Variants in BTBD7 observed in about 807,000 individuals in gnomAD.
BTBD7 encodes the protein BTB domain containing 7.
In BTBD7, 38 loss-of-function variants were observed where a neutral mutation model predicts 99.9. The ratio of observed to expected loss-of-function variants is 0.38; its 90% CI spans 0.29 to 0.50. The LOEUF (loss-of-function observed/expected upper bound fraction) is 0.50, where lower values mean the gene tolerates loss of function less well. Ranked by LOEUF, BTBD7 falls within the 20% of genes least tolerant of loss-of-function variation. The pLI is 0.93. For missense variants in BTBD7, 1,170 were observed against 1,394.6 expected, an observed-to-expected ratio of 0.84 and a Z score of 2.57; for synonymous variants, 520 against 511.4, an observed-to-expected ratio of 1.02 and a Z score of -0.23.
At position 93,275,426 on chromosome 14, in the gene BTBD7, G is replaced by C. The variant is rs189276813; in HGVS notation, c.1163-11433C>G. On this transcript the variant is annotated intron_variant, in intron 3 of 10. Transcript: ENST00000334746. ...GTTTGGCAAAAAAATTTTTAAAGTT[G>C]TAGTTTTCTGTGTTTTGTTTCTTAT... Among the ~76,000 whole-genome samples the C allele has an allele frequency of 2.7e-3, 408 of 152,302 alleles. 1 individual carries two copies. The highest frequency in any genetic ancestry group is 9.3e-3 in the African/African-American group (386 of 41,570).
At chr14:93,254,814 A>T (rs2052411431) in intron 6 of BTBD7, among the ~76,000 whole-genome samples, 1 of 152,228 alleles carries the variant, frequency 6.6e-6, no homozygotes, top group African/African-American at 2.4e-5. Context: ...GAGAGCATGA[A>T]AGTTAAGAGT....
At chr14:93,243,622 C>A in intron 10 of BTBD7, among the ~76,000 whole-genome samples, 1 of 152,146 alleles carries the variant, frequency 6.6e-6, no homozygotes, top group East Asian at 1.9e-4. Flanking sequence ...TGCATATATA[C>A]TGATGAAATT....
intron 1 of BTBD7, among the ~76,000 whole-genome samples, chr14:93,327,857 T>C (rs1595346857): frequency 6.6e-6 from 1 of 152,184 alleles, no homozygotes; most frequent in Non-Finnish European, 1.5e-5. Context: ...GACACGATCC[T>C]ATATGTAGAA....
intron 4 of BTBD7, 150 bp from the exon 5 acceptor site, chr14:93,261,827 G>A: frequency 8.0e-6 from 5 of 623,264 alleles, no homozygotes; most frequent in Non-Finnish European, 1.4e-5. Context: ...TGTTAAATCT[G>A]TGGTCCATCA....
Position 93,238,764 on chromosome 14 carries a change from C to T in BTBD7, c.*3509G>A, listed in dbSNP as rs528940054. On this transcript the variant is annotated 3_prime_UTR_variant, in exon 11 of 11. Coordinates refer to ENST00000334746, the MANE Select transcript of BTBD7 (RefSeq NM_001002860.4). ...GCATGGAGGTCGGCTTTGAGCCCCACTGCCGCTGGCGCGTGTTTCCAATTT... is the reference window on the plus strand; with the variant it reads ...GCATGGAGGTCGGCTTTGAGCCCCATTGCCGCTGGCGCGTGTTTCCAATTT... 3.3e-5 allele frequency: 5 copies of T among 152,368 alleles called. No individual in the cohort carries two copies. The highest frequency in any genetic ancestry group is 7.3e-5 in the Non-Finnish European group (5 of 68,036). 9.4% of individuals were successfully genotyped at this position (152,368 alleles called of 1,614,324 possible).
chr14:93,290,275 C>T (rs1348347626), intron 3 of BTBD7, among the ~76,000 whole-genome samples: 1 of 151,192 alleles, frequency 6.6e-6, no homozygotes, highest in Non-Finnish European at 1.5e-5. Context: ...TGCAGTGGTG[C>T]GATCTCAGCT....
intron 8 of BTBD7, among the ~76,000 whole-genome samples, chr14:93,249,356 G>C (rs140220259): frequency 6.6e-6 from 1 of 151,648 alleles, no homozygotes; most frequent in Admixed American, 6.6e-5. Flanking sequence ...GAAGTGGTTG[G>C]CATGGCCAGC....
chr14:93,308,960 A>G (rs2139800084), intron 1 of BTBD7, among the ~76,000 whole-genome samples: 1 of 152,308 alleles, frequency 6.6e-6, no homozygotes, highest in South Asian at 2.1e-4. Context: ...CTATATATAC[A>G]CTTAAAACTG....
intron 3 of BTBD7, among the ~76,000 whole-genome samples, chr14:93,280,221 T>C (rs2052702861): frequency 6.6e-6 from 1 of 152,216 alleles, no homozygotes; most frequent in Non-Finnish European, 1.5e-5. Context: ...TGACTGCTCA[T>C]AATTAGATAC....
In BTBD7 at chr14:93,269,682, C is replaced by T. The variant is rs948173893; in HGVS notation, c.1163-5689G>A. On this transcript the variant is annotated intron_variant, in intron 3 of 10. Transcript: ENST00000334746. ...CTTTAGTAAAATTCAGCAAAAACAC[C>T]GCTTGAATATTGTGGCAATTGTTTA... 4.2e-4 allele frequency among the ~76,000 whole-genome samples: 64 copies of T among 152,124 alleles called. 1 individual carries two copies. Among genetic ancestry groups the T allele is most frequent in the African/African-American group, 1.1e-3 (46 of 41,404 alleles).
intron 3 of BTBD7, among the ~76,000 whole-genome samples, chr14:93,280,497 T>G (rs1319615104): frequency 2.6e-5 from 4 of 152,220 alleles, no homozygotes; most frequent in Admixed American, 6.5e-5. Flanking sequence ...GGCACTACTT[T>G]CAGATGTATG....
chr14:93,259,364 AC>A (rs1171092099), intron 5 of BTBD7, among the ~76,000 whole-genome samples: 1 of 152,158 alleles, frequency 6.6e-6, no homozygotes, highest in Non-Finnish European at 1.5e-5. Flanking sequence ...TCAGTACTAC[AC>A]CTGGGGGCCA....
Position 93,242,172 on chromosome 14 carries a change from G to T in BTBD7, c.*101C>A. On this transcript the variant is annotated 3_prime_UTR_variant, in exon 11 of 11. Transcript: ENST00000334746. Reference sequence around the variant, plus strand: ...AACTAGAACAAAATCATGTGAAACCGAGTTATCAGCTGGCATTGATGAACT... The same window carrying T: ...AACTAGAACAAAATCATGTGAAACCTAGTTATCAGCTGGCATTGATGAACT... 1 of 1,039,588 alleles carries T rather than the reference G, an allele frequency of 9.6e-7. No individual in the cohort carries two copies. Among genetic ancestry groups the T allele is most frequent in the Non-Finnish European group, 1.4e-6 (1 of 707,188 alleles). The allele number at this position is 1,039,588 out of a possible 1,614,324, so 64.4% of individuals were successfully genotyped here.
intron 9 of BTBD7, among the ~76,000 whole-genome samples, 182 bp downstream of exon 9, chr14:93,248,294 A>T (rs2052335492): frequency 6.6e-6 from 1 of 152,218 alleles, no homozygotes; most frequent in Admixed American, 6.5e-5. Context: ...GCCTCTGCTC[A>T]GTCCACTCCA....
intron 1 of BTBD7, among the ~76,000 whole-genome samples, chr14:93,315,663 G>A (rs2053193354): frequency 6.6e-6 from 1 of 152,120 alleles, no homozygotes; most frequent in Admixed American, 6.5e-5. Context: ...AATAATGTGG[G>A]CTTTTGTGAC....
At chr14:93,255,180 C>T (rs2052415287) in intron 6 of BTBD7, among the ~76,000 whole-genome samples, 1 of 152,182 alleles carries the variant, frequency 6.6e-6, no homozygotes, top group Non-Finnish European at 1.5e-5. Flanking sequence ...GGGTCTCACT[C>T]TGTTGCCCAG....
At chr14:93,261,778 C>T in intron 4 of BTBD7, 101 bp from the exon 5 acceptor site, 1 of 795,286 alleles carries the variant, frequency 1.3e-6, no homozygotes. Flanking sequence ...ATGCAACTTA[C>T]CATGTTTCAC....
chr14:93,331,276 G>A lies in BTBD7; in HGVS notation c.-107+1544C>T, dbSNP rs1209929047. Among the ~76,000 whole-genome samples, 3 of 152,138 alleles carry A rather than the reference G, an allele frequency of 2.0e-5. No homozygotes were observed. In the South Asian group the frequency reaches 6.2e-4, roughly 32 times the overall value. On this transcript the variant is annotated intron_variant, in intron 1 of 10. Transcript: ENST00000334746. ...CAGCTCAGCAGTGTAGTAACAATGA[G>A]CTCTCTAAATGGGGTAATGGGGTGT...
intron 1 of BTBD7, among the ~76,000 whole-genome samples, chr14:93,301,919 G>A (rs998955278): frequency 6.6e-6 from 1 of 152,206 alleles, no homozygotes; most frequent in Non-Finnish European, 1.5e-5. Context: ...AGACAGCAGA[G>A]CCTGGTTCCC....
Sources: gnomAD v4.1 joint callset for allele counts (sites outside exome capture counted in the v4.1 genomes callset) on GRCh38, gnomAD v4.1.1 for gene constraint, MANE v1.5 for transcripts, NCBI Gene and HGNC (gene_info 2026-07-23, HGNC 2026-07-21) for gene names.